Variants in ADAMTS6 observed in about 807,000 individuals in gnomAD.
ADAMTS6 encodes A disintegrin and metalloproteinase with thrombospondin motifs 6.
In ADAMTS6, 23 loss-of-function variants were observed where a neutral mutation model predicts 144.3. That is an observed-to-expected ratio of 0.16 (90% confidence interval 0.11 to 0.23). The LOEUF (loss-of-function observed/expected upper bound fraction) is 0.23. ADAMTS6 is among the 10% of genes least tolerant of loss of function. ADAMTS6 has a pLI of 1.00. For synonymous variants in ADAMTS6, 444 were observed against 457.5 expected, an observed-to-expected ratio of 0.97 and a Z score of 0.38; for missense variants, 999 against 1,379.6, an observed-to-expected ratio of 0.72 and a Z score of 4.37.
intron 9 of ADAMTS6, among the ~76,000 whole-genome samples, chr5:65,327,271 G>A (rs190635200): frequency 5.9e-5 from 9 of 152,226 alleles, no homozygotes; most frequent in Admixed American, 2.0e-4. Context: ...CTGTATGCCT[G>A]TGAGCCAAAT....
At chr5:65,437,548 G>A (rs938474137) in intron 7 of ADAMTS6, among the ~76,000 whole-genome samples, 3 of 152,096 alleles carry the variant, frequency 2.0e-5, no homozygotes, top group Non-Finnish European at 2.9e-5. Context: ...TTCAAGATGA[G>A]GTTTGGGTGG....
chr5:65,267,324 G>A (rs73109219), intron 12 of ADAMTS6, among the ~76,000 whole-genome samples: 2,179 of 151,996 alleles, frequency 0.014, 57 homozygotes, highest in African/African-American at 0.05. Flanking sequence ...TAAATTATCC[G>A]GATAAATTGG....
At chr5:65,172,796 C>G (rs1165836377) in intron 23 of ADAMTS6, 36 bp downstream of exon 23, 6 of 1,597,528 alleles carry the variant, frequency 3.8e-6, no homozygotes, top group Admixed American at 1.8e-5. Flanking sequence ...TCTCAAGGTG[C>G]TATTTCAGCA....
intron 9 of ADAMTS6, among the ~76,000 whole-genome samples, chr5:65,311,114 C>T (rs1456646059): frequency 6.6e-6 from 1 of 152,108 alleles, no homozygotes; most frequent in African/African-American, 2.4e-5. Flanking sequence ...GAATTAGGTG[C>T]TCAGCAAATC....
At chr5:65,467,662 A>G (rs1760130572) in intron 3 of ADAMTS6, among the ~76,000 whole-genome samples, 1 of 152,154 alleles carries the variant, frequency 6.6e-6, no homozygotes, top group African/African-American at 2.4e-5. Context: ...TGAACCCAGA[A>G]TTTCACATTC....
Position 65,359,546 on chromosome 5 carries a change from T to G in ADAMTS6, c.1074-25461A>C, listed in dbSNP as rs530697193. Among the ~76,000 whole-genome samples the G allele has an allele frequency of 1.1e-4, 16 of 152,282 alleles. No individual in the cohort carries two copies. The South Asian group carries it at 3.3e-3, about 32-fold the overall frequency. On this transcript the variant is annotated intron_variant, in intron 7 of 24. Coordinates refer to ENST00000381055, the MANE Select transcript of ADAMTS6 (RefSeq NM_197941.4). ...TACCATAGGATCCAGCAATCCCACT[T>G]ACAGGTATATGTCCAAAGTCAATTC... is the stretch of plus-strand genomic sequence containing the variant.
chr5:65,380,190 T>A (rs750136729), intron 7 of ADAMTS6, among the ~76,000 whole-genome samples: 2 of 152,190 alleles, frequency 1.3e-5, no homozygotes, highest in Non-Finnish European at 2.9e-5. Context: ...TGCATCTTGC[T>A]TTTTAAATTT....
intron 9 of ADAMTS6, among the ~76,000 whole-genome samples, chr5:65,307,857 C>A (rs1169020829): frequency 6.6e-6 from 1 of 152,194 alleles, no homozygotes; most frequent in Non-Finnish European, 1.5e-5. Context: ...TCCTGAGACT[C>A]TGAGGTCCTG....
intron 20 of ADAMTS6, chr5:65,198,764 ATGTAT>A (rs1450344534): frequency 3.6e-5 from 6 of 164,594 alleles, no homozygotes; most frequent in Non-Finnish European, 5.9e-5. Context: ...GTCCTAGAGT[ATGTAT>A]TGTATTCCTT....
intron 20 of ADAMTS6, among the ~76,000 whole-genome samples, chr5:65,213,288 G>C (rs11958777): frequency 0.15 from 22,795 of 151,816 alleles, 1,789 homozygotes; most frequent in Non-Finnish European, 0.17. Flanking sequence ...ATGTTGTATA[G>C]ACTTTATATT....
At position 65,182,060 on chromosome 5, in the gene ADAMTS6, G is replaced by T. The variant is rs78407510; in HGVS notation, c.2910+5956C>A. Among the ~76,000 whole-genome samples the T allele has an allele frequency of 2.0e-3, 311 of 152,268 alleles. 3 individuals are homozygous for T. Among genetic ancestry groups the T allele is most frequent in the African/African-American group, 7.2e-3 (298 of 41,554 alleles). On this transcript the variant is annotated intron_variant, in intron 22 of 24. Coordinates refer to ENST00000381055, the MANE Select transcript of ADAMTS6 (RefSeq NM_197941.4). The stretch of plus-strand genomic sequence containing the variant: ...CCAGGTCGTGCTTACAATTAGGGGA[G>T]ATGAAGAATGCGAAGAAAGACAATT...
intron 22 of ADAMTS6, among the ~76,000 whole-genome samples, chr5:65,187,647 T>A (rs1001431653): frequency 2.6e-5 from 4 of 152,190 alleles, no homozygotes; most frequent in Admixed American, 6.5e-5. Flanking sequence ...ACTTTTGGGG[T>A]AAGAAAGGTT....
intron 7 of ADAMTS6, among the ~76,000 whole-genome samples, chr5:65,397,858 C>T (rs1753485702): frequency 7.6e-6 from 1 of 131,112 alleles, no homozygotes; most frequent in Non-Finnish European, 1.6e-5. Flanking sequence ...GCCTCAGTGA[C>T]AGAGTAAGAC....
intron 20 of ADAMTS6, 99 bp from the exon 21 acceptor site, chr5:65,197,250 C>T (rs1299367076): frequency 1.3e-5 from 16 of 1,244,542 alleles, no homozygotes; most frequent in African/African-American, 3.0e-5. Context: ...CTCACTGGAT[C>T]GCTGCCGTCT....
intron 7 of ADAMTS6, among the ~76,000 whole-genome samples, chr5:65,376,322 G>A (rs191350446): frequency 4.2e-4 from 64 of 152,116 alleles, no homozygotes; most frequent in African/African-American, 1.5e-3. Context: ...ATGGTGGCAC[G>A]CGCCTGTAGT....
At chr5:65,293,925 T>C (rs982602011) in intron 10 of ADAMTS6, among the ~76,000 whole-genome samples, 19 of 152,184 alleles carry the variant, frequency 1.2e-4, no homozygotes, top group African/African-American at 4.6e-4. Flanking sequence ...AAATAAAATA[T>C]AAAGGAAAAC....
intron 7 of ADAMTS6, among the ~76,000 whole-genome samples, chr5:65,336,586 A>T (rs1187913475): frequency 6.6e-6 from 1 of 152,026 alleles, no homozygotes; most frequent in Non-Finnish European, 1.5e-5. Flanking sequence ...AGGGTAATAA[A>T]TTCTGTCCCC....
chr5:65,206,999 C>T (rs1342571705), intron 20 of ADAMTS6, among the ~76,000 whole-genome samples: 1 of 152,008 alleles, frequency 6.6e-6, no homozygotes, highest in African/African-American at 2.4e-5. Flanking sequence ...GTAATGATAG[C>T]ATTTTAAATA....
At chr5:65,186,014 T>G (rs1256824325) in intron 22 of ADAMTS6, among the ~76,000 whole-genome samples, 4 of 152,188 alleles carry the variant, frequency 2.6e-5, no homozygotes, top group Non-Finnish European at 5.9e-5. Context: ...AAGGGTGATA[T>G]AGTATAGAGT....
Sources: gnomAD v4.1 joint callset for allele counts (sites outside exome capture counted in the v4.1 genomes callset) on GRCh38, gnomAD v4.1.1 for gene constraint, MANE v1.5 for transcripts, NCBI Gene and HGNC (gene_info 2026-07-23, HGNC 2026-07-21) for gene names.